MCF2L: variants seen among roughly 807,000 people sequenced by gnomAD.
MCF2L encodes MCF.2 cell line derived transforming sequence like.
Under a neutral mutation model 153.4 loss-of-function variants are expected in MCF2L, and 97 were observed. The ratio of observed to expected loss-of-function variants is 0.63; its 90% CI spans 0.54 to 0.75. The LOEUF (loss-of-function observed/expected upper bound fraction) is 0.75. Ranked by LOEUF, MCF2L falls within the 30% of genes least tolerant of loss-of-function variation. The pLI is 0.00. For synonymous variants in MCF2L, 659 were observed against 632.2 expected (o/e 1.04, Z -0.64); for missense variants, 1,347 against 1,495.2 (o/e 0.90, Z 1.64).
rs376630996 is a variant in MCF2L at position 113,035,086 on chromosome 13, G to C, written c.279-10185G>C. Among the ~76,000 whole-genome samples, 1 of 152,186 alleles carries C rather than the reference G, an allele frequency of 6.6e-6. No homozygotes were observed. The highest frequency in any genetic ancestry group is 2.4e-5 in the African/African-American group (1 of 41,442). On this transcript the variant is annotated intron_variant, in intron 3 of 29. Coordinates refer to ENST00000535094, the MANE Select transcript of MCF2L (RefSeq NM_001112732.3). This position sits in a 1 kb window ranked among gnomAD's most constrained non-coding sequence, Gnocchi z 4.4. ...GTTCCTGTCCACGTTCAGCACCCCCGTGCAGACCTCACCATTCCCGACGGG... is the reference window on the plus strand; with the variant it reads ...GTTCCTGTCCACGTTCAGCACCCCCCTGCAGACCTCACCATTCCCGACGGG...
chr13:112,953,210 G>A (rs370366471), intron 2 of MCF2L, among the ~76,000 whole-genome samples: 226 of 152,322 alleles, frequency 1.5e-3, no homozygotes, highest in Non-Finnish European at 2.1e-3. Flanking sequence ...TGGAAGGTAC[G>A]TTTCCAGGTC....
rs2034792818 is a variant in MCF2L, at chr13:113,087,910, T to C, written c.2688+111T>C. ...TTGCATCGAGCCCAGGAGCAGCCGCTGTACACTTCAGGATGCTGCCCTGGG... is the reference window on the plus strand; with the variant it reads ...TTGCATCGAGCCCAGGAGCAGCCGCCGTACACTTCAGGATGCTGCCCTGGG... On this transcript the variant is annotated intron_variant, in intron 23 of 29. Coordinates refer to ENST00000535094, the MANE Select transcript of MCF2L (RefSeq NM_001112732.3). 3 of 876,590 alleles carry C rather than the reference T, an allele frequency of 3.4e-6. No homozygotes were observed. In the South Asian group the frequency reaches 4.3e-5, roughly 13 times the overall value. 54.3% of individuals were successfully genotyped at this position (876,590 alleles called of 1,614,324 possible). A position where few individuals can be genotyped will look rare whatever the true frequency, so the allele number is the denominator to read the frequency against.
At chr13:113,095,489 G>C in intron 27 of MCF2L, 1 of 1,066,592 alleles carries the variant, frequency 9.4e-7, no homozygotes, top group Non-Finnish European at 1.1e-6. Flanking sequence ...GAGGGATTTG[G>C]ATCTCATTCT....
chr13:112,913,485 G>A (rs1190348525), intron 2 of MCF2L, among the ~76,000 whole-genome samples: 1 of 152,100 alleles, frequency 6.6e-6, no homozygotes, highest in Non-Finnish European at 1.5e-5. Context: ...CTTTCTTCTC[G>A]GGGACAAATG....
rs1387463401 is a variant in MCF2L at position 113,077,212 on chromosome 13, G to C, written c.1660+1G>C. The C allele has an allele frequency of 6.4e-7, 1 of 1,564,686 alleles. No individual in the cohort carries two copies. The highest frequency in any genetic ancestry group is 1.2e-5 in the South Asian group (1 of 86,218). The stretch of plus-strand genomic sequence containing the variant: ...GCAAAGTCGCCCTGCCCCTCCCCAG[G>C]TCTGTGTGGCCGCCCGGTGCCCCGG... On this transcript the variant is annotated splice_donor_variant, in intron 13 of 29. Coordinates refer to ENST00000535094, the MANE Select transcript of MCF2L (RefSeq NM_001112732.3). LOFTEE classifies it high-confidence loss of function.
chr13:112,982,116 C>T (rs1171708361), intron 1 of MCF2L, among the ~76,000 whole-genome samples: 5 of 152,056 alleles, frequency 3.3e-5, no homozygotes, highest in Non-Finnish European at 7.4e-5. Context: ...AGCATGGGGC[C>T]GACGAGGGGG....
Position 113,099,210 on chromosome 13 carries a change from CA to C in MCF2L, c.*2355del, listed in dbSNP as rs1177851379. Reference sequence around the variant, plus strand: ...CTCATAAGCCACTGACTATAAAGCTCAAAACACAGCAAAGTTGGCAGTCGGC... The same window carrying C: ...CTCATAAGCCACTGACTATAAAGCTCAAACACAGCAAAGTTGGCAGTCGGC... On this transcript the variant is annotated 3_prime_UTR_variant, in exon 30 of 30. Coordinates refer to ENST00000535094, the MANE Select transcript of MCF2L (RefSeq NM_001112732.3). 2.6e-5 allele frequency: 4 copies of C among 152,144 alleles called. No individual in the cohort carries two copies. The highest frequency in any genetic ancestry group is 4.4e-5 in the Non-Finnish European group (3 of 68,026). 9.4% of individuals were successfully genotyped at this position (152,144 alleles called of 1,614,324 possible).
At chr13:112,933,328 G>A (rs989413124) in intron 2 of MCF2L, among the ~76,000 whole-genome samples, 22 of 152,214 alleles carry the variant, frequency 1.4e-4, no homozygotes, top group Non-Finnish European at 1.5e-5. Flanking sequence ...CAGGAGCTCC[G>A]TGGAAGCTGT....
chr13:113,085,992 C>T, intron 20 of MCF2L, 132 bp from the exon 21 acceptor site: 1 of 933,390 alleles, frequency 1.1e-6, no homozygotes, highest in East Asian at 3.1e-5. Flanking sequence ...GGAGGGCAGG[C>T]AGGGCAGCTC....
chr13:113,075,904 G>A (rs1038294542), intron 11 of MCF2L, 62 bp from the exon 12 acceptor site: 1 of 1,366,044 alleles, frequency 7.3e-7, no homozygotes, highest in African/African-American at 1.5e-5. Context: ...TGTGTGCCTG[G>A]ACAGGGTGAC....
intron 2 of MCF2L, among the ~76,000 whole-genome samples, chr13:113,023,126 G>A (rs761414916): frequency 1.3e-5 from 2 of 152,244 alleles, no homozygotes; most frequent in Non-Finnish European, 2.9e-5. Flanking sequence ...GTGAAGGGGG[G>A]CCGTCACGGT....
intron 9 of MCF2L, among the ~76,000 whole-genome samples, chr13:113,072,483 T>A (rs2033020468): frequency 6.6e-6 from 1 of 152,186 alleles, no homozygotes; most frequent in South Asian, 2.1e-4. Context: ...AGTTGTAGGA[T>A]TCTTGTAGAT....
intron 2 of MCF2L, among the ~76,000 whole-genome samples, chr13:112,934,064 C>A (rs1276048371): frequency 6.6e-6 from 1 of 152,258 alleles, no homozygotes; most frequent in Non-Finnish European, 1.5e-5. Flanking sequence ...GGGTTCCTGG[C>A]TTTAAAGGTA....
chr13:113,015,604 C>T (rs2084460898), intron 2 of MCF2L, among the ~76,000 whole-genome samples: 1 of 152,194 alleles, frequency 6.6e-6, no homozygotes, highest in Admixed American at 6.5e-5. Context: ...GGTGGGGCCT[C>T]CATCCCGCAC....
At chr13:112,926,172 A>G (rs1009166229) in intron 2 of MCF2L, among the ~76,000 whole-genome samples, 14 of 152,012 alleles carry the variant, frequency 9.2e-5, no homozygotes, top group East Asian at 1.9e-4. Flanking sequence ...GGCCTGCTCT[A>G]TATACACAGC....
rs559297512 is a variant in MCF2L at position 113,066,832 on chromosome 13, C to A, written c.881+662C>A. Among the ~76,000 whole-genome samples, 21 of 152,342 alleles carry A rather than the reference C, an allele frequency of 1.4e-4. No individual in the cohort carries two copies. The South Asian group carries it at 4.1e-3, about 30-fold the overall frequency. On this transcript the variant is annotated intron_variant, in intron 8 of 29. Transcript: ENST00000535094. ...GAGCAGGGCCCGCACAGCTGGACAG[C>A]GGCTTGTCCGGCAGGGCCGTGCGGG...
At chr13:112,920,111 C>T (rs559840151) in intron 2 of MCF2L, among the ~76,000 whole-genome samples, 2 of 139,634 alleles carry the variant, frequency 1.4e-5, no homozygotes, top group East Asian at 4.1e-4. Flanking sequence ...GGAAGGTTAC[C>T]ATGCTACCTG....
At chr13:112,999,676 G>A (rs1434824348) in intron 1 of MCF2L, among the ~76,000 whole-genome samples, 4 of 152,174 alleles carry the variant, frequency 2.6e-5, no homozygotes, top group Non-Finnish European at 4.4e-5. Flanking sequence ...TTTGGTACAT[G>A]TGTCCCAAGC....
intron 2 of MCF2L, among the ~76,000 whole-genome samples, chr13:112,913,490 C>G (rs1388135388): frequency 6.6e-6 from 1 of 152,154 alleles, no homozygotes; most frequent in Non-Finnish European, 1.5e-5. Flanking sequence ...TTCTCGGGGA[C>G]AAATGTGATC....
Sources: gnomAD v4.1 joint callset for allele counts (sites outside exome capture counted in the v4.1 genomes callset) on GRCh38, gnomAD v4.1.1 for gene constraint, Gnocchi (gnomAD v3.1) non-coding constraint, MANE v1.5 for transcripts, NCBI Gene and HGNC (gene_info 2026-07-23, HGNC 2026-07-21) for gene names.